Variants in EPS15 observed in about 807,000 individuals in gnomAD.
The protein encoded by EPS15 is epidermal growth factor receptor substrate 15.
EPS15 carries 72 observed loss-of-function variants against 113.8 expected under a neutral mutation model. That is an observed-to-expected ratio of 0.63 (90% CI 0.52 to 0.77). The LOEUF (loss-of-function observed/expected upper bound fraction) is 0.77. Ranked by LOEUF, EPS15 falls within the 30% of genes least tolerant of loss-of-function variation. EPS15 has a pLI of 0.00. For missense variants in EPS15, 1,048 were observed against 1,045.8 expected, an observed-to-expected ratio of 1.00 and a Z score of -0.03; for synonymous variants, 344 against 363.4, an observed-to-expected ratio of 0.95 and a Z score of 0.61.
intron 8 of EPS15, chr1:51,460,890 G>T: frequency 2.2e-6 from 1 of 456,234 alleles, no homozygotes; most frequent in South Asian, 2.7e-5. Flanking sequence ...GGAGGTAGAG[G>T]TTGTGGTGAG....
intron 21 of EPS15, among the ~76,000 whole-genome samples, chr1:51,391,682 C>T (rs1211821053): frequency 6.6e-6 from 1 of 151,952 alleles, no homozygotes; most frequent in Non-Finnish European, 1.5e-5. Context: ...TAGAAAAGTG[C>T]AGGCCACTGT....
At chr1:51,380,048 T>C (rs1646903748) in intron 21 of EPS15, among the ~76,000 whole-genome samples, 1 of 147,682 alleles carries the variant, frequency 6.8e-6, no homozygotes. Context: ...AGTGAGACTC[T>C]GCTTCCAGGA....
intron 16 of EPS15, among the ~76,000 whole-genome samples, chr1:51,405,414 T>C (rs1649003268): frequency 1.3e-5 from 2 of 152,166 alleles, no homozygotes; most frequent in South Asian, 4.1e-4. Flanking sequence ...ATAAATTAGC[T>C]GGCTGGGCGT....
Position 51,354,995 on chromosome 1 carries a change from A to G in EPS15, c.*1705T>C. 4.5e-6 allele frequency: 1 copy of G among 222,610 alleles called. No homozygotes were observed. The highest frequency in any genetic ancestry group is 9.0e-6 in the Non-Finnish European group (1 of 111,198). The allele number at this position is 222,610 out of a possible 1,614,324, so 13.8% of individuals were successfully genotyped here. A position where few individuals can be genotyped will look rare whatever the true frequency, so the allele number is the denominator to read the frequency against. On this transcript the variant is annotated 3_prime_UTR_variant, in exon 25 of 25. Transcript: ENST00000371733. ...AAAATAAACAAAAATACCACCTATC[A>G]CAACTCCCAGTCAAATTTTGCAGAA... is the stretch of plus-strand genomic sequence containing the variant.
intron 8 of EPS15, chr1:51,458,952 G>A (rs1468210657): frequency 6.5e-6 from 1 of 153,114 alleles, no homozygotes; most frequent in East Asian, 1.9e-4. Context: ...CCTGAAATGC[G>A]ACTGAGATAA....
At chr1:51,472,491 C>T (rs926849532) in intron 3 of EPS15, among the ~76,000 whole-genome samples, 1 of 152,080 alleles carries the variant, frequency 6.6e-6, no homozygotes, top group African/African-American at 2.4e-5. Flanking sequence ...AGCCTCTCAT[C>T]CCCCAGTCTA....
At chr1:51,435,430 G>T (rs1033721834) in intron 12 of EPS15, among the ~76,000 whole-genome samples, 10 of 152,130 alleles carry the variant, frequency 6.6e-5, no homozygotes, top group African/African-American at 2.4e-4. Flanking sequence ...CTGACCTCAG[G>T]TGATCCACAC....
At chr1:51,436,431 A>G (rs1215600965) in intron 12 of EPS15, among the ~76,000 whole-genome samples, 1 of 152,230 alleles carries the variant, frequency 6.6e-6, no homozygotes, top group Non-Finnish European at 1.5e-5. Flanking sequence ...AGATTTCAAC[A>G]ATATTGAAAA....
chr1:51,502,986 GAC>G (rs1644438628), intron 1 of EPS15, among the ~76,000 whole-genome samples: 1 of 143,336 alleles, frequency 7.0e-6, no homozygotes, highest in South Asian at 2.2e-4. Flanking sequence ...CAGTCTGGGC[GAC>G]AGAGTGAGAC....
intron 21 of EPS15, among the ~76,000 whole-genome samples, chr1:51,367,918 G>A (rs1646543724): frequency 6.6e-6 from 1 of 152,168 alleles, no homozygotes; most frequent in Non-Finnish European, 1.5e-5. Context: ...GATCACCTGA[G>A]GTCAGGAGTT....
At chr1:51,433,533 G>C (rs1454213270) in intron 12 of EPS15, among the ~76,000 whole-genome samples, 1 of 152,224 alleles carries the variant, frequency 6.6e-6, no homozygotes, top group East Asian at 1.9e-4. Flanking sequence ...ATCACACAGA[G>C]TCGAGAATCT....
At chr1:51,433,501 G>A (rs1219534482) in intron 12 of EPS15, among the ~76,000 whole-genome samples, 1 of 152,226 alleles carries the variant, frequency 6.6e-6, no homozygotes, top group Non-Finnish European at 1.5e-5. Context: ...TGCCTCATTA[G>A]AAGTAAGAGT....
At chr1:51,488,575 TC>T (rs1162307090) in intron 1 of EPS15, among the ~76,000 whole-genome samples, 1 of 151,468 alleles carries the variant, frequency 6.6e-6, no homozygotes, top group Non-Finnish European at 1.5e-5. Flanking sequence ...TTATTTTACC[TC>T]CTTGAAAAGC....
rs1646186723 is a variant in EPS15 at position 51,354,896 on chromosome 1, C to CA, written c.*1803dup. 4.9e-6 allele frequency: 1 copy of CA among 204,192 alleles called. No homozygotes were observed. Among genetic ancestry groups the CA allele is most frequent in the Non-Finnish European group, 1.0e-5 (1 of 99,460 alleles). 12.6% of individuals were successfully genotyped at this position (204,192 alleles called of 1,614,324 possible). On this transcript the variant is annotated 3_prime_UTR_variant, in exon 25 of 25. Transcript: ENST00000371733. ...TGAAAATTTTTTTGAAGCATTTAAA[C>CA]ATTTGCTTATTTTCCCAGTGCAAAA...
rs566217614 is a variant in EPS15, at chr1:51,426,047, A to G, written c.1041-4189T>C. 2.0e-5 allele frequency among the ~76,000 whole-genome samples: 3 copies of G among 152,256 alleles called. No homozygotes were observed. In the East Asian group the frequency reaches 5.8e-4, roughly 29 times the overall value. ...CTCTCTACTTTTAGAAATTCATTAT[A>G]TGGTTTTGAAACCATCAGATTTGGA... On this transcript the variant is annotated intron_variant, in intron 12 of 24. Transcript: ENST00000371733.
chr1:51,431,014 ACACACACAC>A (rs1557462542), intron 12 of EPS15, among the ~76,000 whole-genome samples: 21 of 137,970 alleles, frequency 1.5e-4, no homozygotes, highest in African/African-American at 5.3e-4. Flanking sequence ...ACACACACAC[ACACACACAC>A]ACACAAAAAT....
chr1:51,357,856 C>T (rs1646277493), intron 24 of EPS15, among the ~76,000 whole-genome samples: 1 of 151,582 alleles, frequency 6.6e-6, no homozygotes, highest in Non-Finnish European at 1.5e-5. Flanking sequence ...TCTCTTGCCT[C>T]AGCCTCCCGA....
At chr1:51,511,238 A>T (rs1172467321) in intron 1 of EPS15, among the ~76,000 whole-genome samples, 2 of 152,008 alleles carry the variant, frequency 1.3e-5, no homozygotes, top group Non-Finnish European at 2.9e-5. Context: ...CTCACACTAT[A>T]ATCTCAATAC....
At chr1:51,517,538 C>T (rs549661666) in intron 1 of EPS15, among the ~76,000 whole-genome samples, 41 of 152,194 alleles carry the variant, frequency 2.7e-4, no homozygotes, top group Non-Finnish European at 5.3e-4. Context: ...AGGGAAAACT[C>T]CTGCCAGAAT....
Sources: gnomAD v4.1 joint callset for allele counts (sites outside exome capture counted in the v4.1 genomes callset) on GRCh38, gnomAD v4.1.1 for gene constraint, MANE v1.5 for transcripts, NCBI Gene and HGNC (gene_info 2026-07-23, HGNC 2026-07-21) for gene names.